Variants in FGF12 observed in about 807,000 individuals in gnomAD.
The protein encoded by FGF12 is fibroblast growth factor 12.
In FGF12, 14 loss-of-function variants were observed where a neutral mutation model predicts 23.6. The ratio of observed to expected loss-of-function variants is 0.59; its 90% CI spans 0.39 to 0.93. The LOEUF is 0.93. Among genes scored for constraint, FGF12 ranks in the 40% least tolerant of loss-of-function variants. The pLI, the probability that FGF12 is intolerant of heterozygous loss-of-function variation, is 0.00. For missense variants in FGF12, 175 were observed against 217.8 expected, an observed-to-expected ratio of 0.80 and a Z score of 1.24; for synonymous variants, 62 against 77.3, an observed-to-expected ratio of 0.80 and a Z score of 1.04.
At chr3:192,301,527 A>C (rs1314336226) in intron 4 of FGF12, among the ~76,000 whole-genome samples, 1 of 152,206 alleles carries the variant, frequency 6.6e-6, no homozygotes, top group Non-Finnish European at 1.5e-5. Flanking sequence ...TTGGAGAGAC[A>C]GGCATTAGTT....
At chr3:192,196,788 A>G (rs1031897928) in intron 4 of FGF12, among the ~76,000 whole-genome samples, 1 of 152,200 alleles carries the variant, frequency 6.6e-6, no homozygotes, top group East Asian at 1.9e-4. Context: ...GACAGTCTTG[A>G]GCATACAAAT....
chr3:192,357,411 G>C (rs111548176), intron 3 of FGF12, among the ~76,000 whole-genome samples: 2 of 147,882 alleles, frequency 1.4e-5, no homozygotes, highest in Non-Finnish European at 3.0e-5. Flanking sequence ...GAACCAGGGA[G>C]TCAGAGTTTG....
chr3:192,176,462 G>T (rs532407414), intron 4 of FGF12, among the ~76,000 whole-genome samples: 1 of 152,152 alleles, frequency 6.6e-6, no homozygotes, highest in African/African-American at 2.4e-5. Context: ...GCAATTCAGC[G>T]CCCAGTTTAT....
intron 4 of FGF12, among the ~76,000 whole-genome samples, chr3:192,257,824 A>G (rs1406739995): frequency 6.6e-6 from 1 of 152,044 alleles, no homozygotes; most frequent in East Asian, 1.9e-4. Flanking sequence ...ACTTTATACA[A>G]GATTAGGGTG....
chr3:192,660,061 G>A (rs539166324), intron 2 of FGF12, among the ~76,000 whole-genome samples: 65 of 151,890 alleles, frequency 4.3e-4, no homozygotes, highest in African/African-American at 1.5e-3. Flanking sequence ...ACACACACAC[G>A]TATGTTTATT....
At chr3:192,567,785 CTT>C (rs1220981969) in intron 2 of FGF12, among the ~76,000 whole-genome samples, 1 of 132,670 alleles carries the variant, frequency 7.5e-6, no homozygotes, top group East Asian at 2.1e-4. Flanking sequence ...TTCTTTCTTT[CTT>C]TCTTTCTTTC....
At chr3:192,342,425 G>C (rs1382462471) in intron 3 of FGF12, among the ~76,000 whole-genome samples, 5 of 152,062 alleles carry the variant, frequency 3.3e-5, no homozygotes, top group African/African-American at 4.8e-5. Context: ...CAAGGTTGGA[G>C]GGAATTAAGA....
intron 5 of FGF12, among the ~76,000 whole-genome samples, chr3:192,170,170 C>A (rs1715468486): frequency 7.2e-6 from 1 of 139,384 alleles, no homozygotes; most frequent in African/African-American, 2.8e-5. Flanking sequence ...AGATTCCCAG[C>A]TACTACGGAG....
chr3:192,613,760 T>C (rs910949532), intron 2 of FGF12, among the ~76,000 whole-genome samples: 2 of 151,962 alleles, frequency 1.3e-5, no homozygotes, highest in Admixed American at 1.3e-4. Flanking sequence ...ACTCATATTA[T>C]TGGAAACATC....
chr3:192,591,420 A>G (rs1226549312), intron 2 of FGF12, among the ~76,000 whole-genome samples: 1 of 151,792 alleles, frequency 6.6e-6, no homozygotes, highest in East Asian at 1.9e-4. Flanking sequence ...AGAAGAAATG[A>G]GAAAGGTGCT....
intron 2 of FGF12, among the ~76,000 whole-genome samples, chr3:192,647,160 A>G (rs186011832): frequency 3.3e-5 from 5 of 152,306 alleles, no homozygotes; most frequent in Non-Finnish European, 7.4e-5. Context: ...AGATGACAAG[A>G]TCCATGTGTC....
chr3:192,262,866 C>T (rs1381436928), intron 4 of FGF12, among the ~76,000 whole-genome samples: 1 of 151,540 alleles, frequency 6.6e-6, no homozygotes, highest in Admixed American at 6.6e-5. Context: ...CTAAGAACTA[C>T]TCCCCCATAC....
intron 2 of FGF12, among the ~76,000 whole-genome samples, chr3:192,391,794 A>G (rs576946184): frequency 1.3e-5 from 2 of 152,318 alleles, no homozygotes; most frequent in East Asian, 1.9e-4. Context: ...ATACCTGACC[A>G]TGTTTCTCTG....
chr3:192,320,170 T>C (rs1376502736), intron 4 of FGF12, among the ~76,000 whole-genome samples: 1 of 151,850 alleles, frequency 6.6e-6, no homozygotes, highest in Non-Finnish European at 1.5e-5. Context: ...TCCATGCAAA[T>C]GGAAACCAGA....
At chr3:192,283,060 T>C (rs1714242643) in intron 4 of FGF12, 1 of 152,158 alleles carries the variant, frequency 6.6e-6, no homozygotes, top group Admixed American at 6.6e-5. Flanking sequence ...CGGGAGGGAC[T>C]TCCCAGATGA....
intron 2 of FGF12, among the ~76,000 whole-genome samples, chr3:192,616,690 T>C (rs1714766624): frequency 6.6e-6 from 1 of 151,954 alleles, no homozygotes; most frequent in East Asian, 1.9e-4. Flanking sequence ...AGTAAGAGAG[T>C]TCTTTTCCAG....
At chr3:192,576,652 GA>G (rs371090192) in intron 2 of FGF12, among the ~76,000 whole-genome samples, 25 of 151,866 alleles carry the variant, frequency 1.6e-4, no homozygotes, top group African/African-American at 2.4e-4. Flanking sequence ...TGATGGTATG[GA>G]AAAAAAATGC....
intron 2 of FGF12, among the ~76,000 whole-genome samples, chr3:192,497,684 C>T (rs940420950): frequency 2.6e-5 from 4 of 152,206 alleles, no homozygotes; most frequent in Non-Finnish European, 5.9e-5. Context: ...CTGGGATACA[C>T]CTTCCCCAGG....
chr3:192,445,447 T>A (rs1175103929), intron 2 of FGF12, among the ~76,000 whole-genome samples: 12 of 152,154 alleles, frequency 7.9e-5, no homozygotes, highest in Non-Finnish European at 2.9e-5. Flanking sequence ...CTATTACTAG[T>A]TTTTTATAGC....
Sources: allele counts gnomAD v4.1 joint callset (sites outside exome capture counted in the v4.1 genomes callset), GRCh38; gene constraint gnomAD v4.1.1; transcripts MANE v1.5; gene names NCBI Gene and HGNC (gene_info 2026-07-23, HGNC 2026-07-21).